Variants in ZNF804B observed in about 807,000 individuals in gnomAD.
ZNF804B encodes the protein zinc finger protein 804B.
ZNF804B carries 80 observed loss-of-function variants against 101.4 expected under a neutral mutation model. The ratio of observed to expected loss-of-function variants is 0.79; its 90% CI spans 0.66 to 0.95. The LOEUF (loss-of-function observed/expected upper bound fraction) is 0.95, where lower values mean the gene tolerates loss of function less well. Among genes scored for constraint, ZNF804B ranks in the 40% least tolerant of loss-of-function variants. The pLI, the probability that ZNF804B is intolerant of heterozygous loss-of-function variation, is 0.00. For missense variants in ZNF804B, 1,673 were observed against 1,561.9 expected, an observed-to-expected ratio of 1.07 and a Z score of -1.20; for synonymous variants, 622 against 558.8, an observed-to-expected ratio of 1.11 and a Z score of -1.59.
Position 89,040,544 on chromosome 7 carries a change from T to C in ZNF804B, c.109-177611T>C, listed in dbSNP as rs181919702. ...TTATTTTTGGTTAGTCGTATGTCTA[T>C]GTTCTCTTATAGCTCACTGGGCTTC... On this transcript the variant is annotated intron_variant, in intron 1 of 3. Transcript: ENST00000333190. Among the ~76,000 whole-genome samples the C allele has an allele frequency of 3.1e-3, 477 of 152,342 alleles. 8 individuals carry two copies. Among genetic ancestry groups the C allele is most frequent in the African/African-American group, 0.011 (455 of 41,586 alleles).
chr7:89,300,623 G>T (rs1790457104), intron 2 of ZNF804B, among the ~76,000 whole-genome samples: 2 of 151,834 alleles, frequency 1.3e-5, no homozygotes, highest in Non-Finnish European at 2.9e-5. Flanking sequence ...AAAAAAGTCA[G>T]CATAGCTGGA....
rs1040579724 is a variant in ZNF804B, at chr7:89,157,028, C to T, written c.109-61127C>T. On this transcript the variant is annotated intron_variant, in intron 1 of 3. Coordinates refer to ENST00000333190, the MANE Select transcript of ZNF804B (RefSeq NM_181646.5). ...TGCCACTTGAAATCACCCTCATTTA[C>T]TCGAGACTGCCACAGATGCAGGAGA... 9.2e-5 allele frequency among the ~76,000 whole-genome samples: 14 copies of T among 152,278 alleles called. No individual in the cohort carries two copies. The East Asian group carries it at 2.3e-3, about 25-fold the overall frequency.
At chr7:88,916,212 T>A (rs953096870) in intron 1 of ZNF804B, among the ~76,000 whole-genome samples, 3 of 152,094 alleles carry the variant, frequency 2.0e-5, no homozygotes, top group Non-Finnish European at 4.4e-5. Flanking sequence ...TAGAACTAGA[T>A]CCCACCTTCT....
intron 1 of ZNF804B, among the ~76,000 whole-genome samples, chr7:89,150,894 C>T (rs945324733): frequency 2.6e-5 from 4 of 152,100 alleles, no homozygotes; most frequent in Admixed American, 6.6e-5. Flanking sequence ...TATCATTTGA[C>T]GAGTTTCTAC....
chr7:89,260,299 A>G (rs538077375), intron 2 of ZNF804B, among the ~76,000 whole-genome samples: 1 of 152,244 alleles, frequency 6.6e-6, no homozygotes, highest in African/African-American at 2.4e-5. Context: ...CTTGTCTTAA[A>G]TACTAATGCT....
chr7:89,047,633 G>A (rs1454441478), intron 1 of ZNF804B, among the ~76,000 whole-genome samples: 2 of 152,124 alleles, frequency 1.3e-5, no homozygotes, highest in African/African-American at 4.8e-5. Context: ...GGGAGGAGTC[G>A]TAAATGTTCA....
At chr7:88,998,552 C>G (rs1322171197) in intron 1 of ZNF804B, among the ~76,000 whole-genome samples, 1 of 151,958 alleles carries the variant, frequency 6.6e-6, no homozygotes, top group Non-Finnish European at 1.5e-5. Flanking sequence ...AAGTATCTTA[C>G]CAACGTGTTA....
chr7:89,274,053 C>T (rs1437430969), intron 2 of ZNF804B, among the ~76,000 whole-genome samples: 1 of 148,204 alleles, frequency 6.7e-6, no homozygotes, highest in East Asian at 2.4e-4. Flanking sequence ...TGCACTCTTC[C>T]CCTGTGACTG....
At chr7:89,319,351 G>A (rs569166948) in intron 2 of ZNF804B, among the ~76,000 whole-genome samples, 36 of 152,072 alleles carry the variant, frequency 2.4e-4, no homozygotes, top group Non-Finnish European at 4.6e-4. Context: ...TTATATTCAC[G>A]CCATTCACTA....
At chr7:88,765,012 C>T (rs1306145320) in intron 1 of ZNF804B, among the ~76,000 whole-genome samples, 5 of 152,044 alleles carry the variant, frequency 3.3e-5, no homozygotes, top group Non-Finnish European at 5.9e-5. Flanking sequence ...TTCTTCTTTC[C>T]CCTAACTGAT....
At chr7:88,773,956 T>C (rs1790106714) in intron 1 of ZNF804B, among the ~76,000 whole-genome samples, 2 of 152,028 alleles carry the variant, frequency 1.3e-5, no homozygotes, top group Non-Finnish European at 2.9e-5. Context: ...CAATTCAACA[T>C]GAGATTTGGG....
At chr7:88,777,357 C>T (rs1488017397) in intron 1 of ZNF804B, among the ~76,000 whole-genome samples, 1 of 152,188 alleles carries the variant, frequency 6.6e-6, no homozygotes, top group African/African-American at 2.4e-5. Context: ...AACTTCCACT[C>T]TCCCACCAGT....
At chr7:89,165,391 T>C (rs904924475) in intron 1 of ZNF804B, among the ~76,000 whole-genome samples, 2 of 151,950 alleles carry the variant, frequency 1.3e-5, no homozygotes, top group African/African-American at 4.8e-5. Context: ...TTAAATTGAA[T>C]TGATGAATAA....
chr7:89,102,254 T>G (rs924141329), intron 1 of ZNF804B, among the ~76,000 whole-genome samples: 1 of 152,018 alleles, frequency 6.6e-6, no homozygotes, highest in Non-Finnish European at 1.5e-5. Flanking sequence ...TTCCAAACTG[T>G]TTTTTCCATA....
chr7:88,809,777 G>A, intron 1 of ZNF804B, among the ~76,000 whole-genome samples: 1 of 152,128 alleles, frequency 6.6e-6, no homozygotes, highest in Admixed American at 6.5e-5. Flanking sequence ...AACACACATA[G>A]TTAGTTAAGA....
intron 1 of ZNF804B, among the ~76,000 whole-genome samples, chr7:89,027,286 A>G (rs148098081): frequency 2.0e-5 from 3 of 152,278 alleles, no homozygotes; most frequent in African/African-American, 7.2e-5. Context: ...TGGAAGATAC[A>G]GGGAATAAAA....
At chr7:88,876,611 C>A (rs1385103605) in intron 1 of ZNF804B, among the ~76,000 whole-genome samples, 1 of 152,116 alleles carries the variant, frequency 6.6e-6, no homozygotes, top group Non-Finnish European at 1.5e-5. Flanking sequence ...TCCCTCACTT[C>A]TTTACTCTCT....
Position 89,334,284 on chromosome 7 carries a change from T to C in ZNF804B, c.1302T>C (p.His434=), listed in dbSNP as rs775390686. Residue 434 remains histidine (H), a synonymous_variant, in exon 4 of 4, where the codon CAT becomes CAC. Coordinates refer to ENST00000333190, the MANE Select transcript of ZNF804B (RefSeq NM_181646.5). ...GACTTGTAAAAGAAGCATGTACCCA[T>C]AATGTGGCATCTAAACCACTACCTT... ...VQRLVKEACT[H]NVASKPLPFL... 5 of 1,613,668 alleles carry C rather than the reference T, an allele frequency of 3.1e-6. No homozygotes were observed. The highest frequency in any genetic ancestry group is 4.2e-6 in the Non-Finnish European group (5 of 1,179,834).
chr7:89,140,902 C>A (rs1018826513), intron 1 of ZNF804B, among the ~76,000 whole-genome samples: 1 of 152,072 alleles, frequency 6.6e-6, no homozygotes, highest in African/African-American at 2.4e-5. Context: ...TCTATGTCAG[C>A]TTTCAATATG....
Sources: gnomAD v4.1 joint callset for allele counts (sites outside exome capture counted in the v4.1 genomes callset) on GRCh38, gnomAD v4.1.1 for gene constraint, MANE v1.5 for transcripts, NCBI Gene and HGNC (gene_info 2026-07-23, HGNC 2026-07-21) for gene names.